Variants in DRD3 observed in about 807,000 individuals in gnomAD.
DRD3 encodes the protein dopamine receptor D3.
DRD3 carries 19 observed loss-of-function variants against 36.3 expected under a neutral mutation model. That is an observed-to-expected ratio of 0.52 (90% CI 0.36 to 0.77). The LOEUF (loss-of-function observed/expected upper bound fraction) is 0.77. DRD3 is among the 30% of genes least tolerant of loss of function. The pLI is 0.00. For missense variants in DRD3, 465 were observed against 505.3 expected (o/e 0.92, Z 0.77); for synonymous variants, 195 against 203.7 (o/e 0.96, Z 0.36).
intron 3 of DRD3, 39 bp from the exon 4 acceptor site, chr3:114,147,596 T>G: frequency 6.3e-7 from 1 of 1,588,718 alleles, no homozygotes; most frequent in Non-Finnish European, 8.6e-7. Context: ...CATGGTGAGA[T>G]GGAATGGGGT....
At chr3:114,164,600 G>A (rs2077765244) in intron 2 of DRD3, among the ~76,000 whole-genome samples, 1 of 152,084 alleles carries the variant, frequency 6.6e-6, no homozygotes, top group African/African-American at 2.4e-5. Context: ...TTATTGTCTT[G>A]GTTTGGGAAA....
intron 1 of DRD3, among the ~76,000 whole-genome samples, chr3:114,172,797 G>T (rs1486011): frequency 6.6e-6 from 1 of 152,072 alleles, no homozygotes; most frequent in Non-Finnish European, 1.5e-5. Context: ...CCTGAGTCTG[G>T]GTAATTTATA....
chr3:114,137,218 G>A (rs927146673), intron 5 of DRD3, among the ~76,000 whole-genome samples: 1 of 152,170 alleles, frequency 6.6e-6, no homozygotes, highest in Non-Finnish European at 1.5e-5. Flanking sequence ...CTTTCTCTAT[G>A]ATCAGACATG....
At chr3:114,191,515 G>A (rs932585721) in intron 1 of DRD3, among the ~76,000 whole-genome samples, 11 of 152,184 alleles carry the variant, frequency 7.2e-5, no homozygotes, top group Admixed American at 5.2e-4. Context: ...TGGTGTAGGA[G>A]TTTGCATTTT....
intron 2 of DRD3, among the ~76,000 whole-genome samples, chr3:114,163,658 C>A (rs2077754257): frequency 6.6e-6 from 1 of 152,196 alleles, no homozygotes. Flanking sequence ...TCCATTACCC[C>A]TATAGCCATG....
intron 3 of DRD3, among the ~76,000 whole-genome samples, chr3:114,153,698 C>T (rs528272896): frequency 5.3e-5 from 8 of 152,200 alleles, no homozygotes; most frequent in Non-Finnish European, 1.2e-4. Context: ...GAGCCAGACT[C>T]GCACCTCAGC....
intron 2 of DRD3, among the ~76,000 whole-genome samples, chr3:114,161,680 T>C (rs560105929): frequency 6.6e-6 from 1 of 152,340 alleles, no homozygotes; most frequent in South Asian, 2.1e-4. Flanking sequence ...TATGAATTTA[T>C]AGGAATTCTG....
chr3:114,190,954 C>G (rs2078007946), intron 1 of DRD3, among the ~76,000 whole-genome samples: 1 of 151,974 alleles, frequency 6.6e-6, no homozygotes, highest in Non-Finnish European at 1.5e-5. Flanking sequence ...TGATTTGGGC[C>G]TTATAGGGTA....
At chr3:114,148,245 G>C (rs115500425) in intron 3 of DRD3, among the ~76,000 whole-genome samples, 1,669 of 152,250 alleles carry the variant, frequency 0.011, 31 homozygotes, top group African/African-American at 0.037. Flanking sequence ...CTGGGTGCTG[G>C]TCTGTGTGCC....
chr3:114,193,323 T>G (rs1266301705), intron 1 of DRD3, among the ~76,000 whole-genome samples: 1 of 152,014 alleles, frequency 6.6e-6, no homozygotes, highest in Non-Finnish European at 1.5e-5. Flanking sequence ...CAACAGAACT[T>G]TCATAACATA....
chr3:114,164,165 G>A (rs1429846882), intron 2 of DRD3, among the ~76,000 whole-genome samples: 2 of 125,828 alleles, frequency 1.6e-5, no homozygotes, highest in Non-Finnish European at 3.1e-5. Context: ...AGGTTACAGT[G>A]AGCCGAAATC....
chr3:114,139,064 C>T (rs890273969), intron 5 of DRD3, among the ~76,000 whole-genome samples: 14 of 152,172 alleles, frequency 9.2e-5, no homozygotes, highest in African/African-American at 2.4e-4. Flanking sequence ...CCTTGACACA[C>T]GGACAGATCC....
At position 114,189,045 on chromosome 3, in the gene DRD3, A is replaced by G. The variant is rs77049026; in HGVS notation, c.-156+10228T>C. 2.9e-3 allele frequency among the ~76,000 whole-genome samples: 437 copies of G among 152,334 alleles called. 1 individual carries two copies. In the Middle Eastern group the frequency reaches 0.031, roughly 11 times the overall value. ...CTAGTCTTTGTCCACTTGTACGTAT[A>G]TTTTACATAGTTGAAATCTTAATTT... On this transcript the variant is annotated intron_variant, in intron 1 of 7. Coordinates refer to the DRD3 transcript ENST00000460779.
intron 1 of DRD3, among the ~76,000 whole-genome samples, chr3:114,197,102 T>C (rs140842217): frequency 1.9e-4 from 29 of 151,046 alleles, no homozygotes; most frequent in African/African-American, 7.0e-4. Context: ...TCTAATAGTC[T>C]TTTATTTACT....
Position 114,130,675 on chromosome 3 carries a change from G to A in DRD3, c.1006+443C>T, listed in dbSNP as rs567547745. ...CCTGACCTCGTGATCTGCCCACCTC[G>A]GCCTCCCAAAGTGCTGGAATTACAG... On this transcript the variant is annotated intron_variant, in intron 6 of 6. Coordinates refer to ENST00000383673, the MANE Select transcript of DRD3 (RefSeq NM_000796.6). 5.3e-5 allele frequency among the ~76,000 whole-genome samples: 8 copies of A among 152,062 alleles called. No homozygotes were observed. The East Asian group carries it at 7.7e-4, about 15-fold the overall frequency.
chr3:114,174,002 C>A (rs1255515685), intron 1 of DRD3, among the ~76,000 whole-genome samples: 1 of 151,888 alleles, frequency 6.6e-6, no homozygotes, highest in South Asian at 2.1e-4. Context: ...TTAAAATGAA[C>A]AAATACTTGG....
chr3:114,150,176 C>A (rs567541973), intron 3 of DRD3, among the ~76,000 whole-genome samples: 1 of 120,866 alleles, frequency 8.3e-6, no homozygotes, highest in East Asian at 2.5e-4. Flanking sequence ...ACACTCACAG[C>A]TCCAGCCACA....
intron 6 of DRD3, 131 bp downstream of exon 6, chr3:114,130,987 C>T: frequency 8.3e-7 from 1 of 1,202,784 alleles, no homozygotes; most frequent in Admixed American, 2.9e-5. Flanking sequence ...TACACAAATA[C>T]TTTTCAATTA....
intron 1 of DRD3, among the ~76,000 whole-genome samples, chr3:114,194,397 C>T (rs1277517172): frequency 1.3e-5 from 2 of 152,178 alleles, no homozygotes; most frequent in African/African-American, 4.8e-5. Context: ...ATCCTCCTGC[C>T]TCAGCCCCCC....
Sources: gnomAD v4.1 joint callset for allele counts (sites outside exome capture counted in the v4.1 genomes callset) on GRCh38, gnomAD v4.1.1 for gene constraint, MANE v1.5 for transcripts, NCBI Gene and HGNC (gene_info 2026-07-23, HGNC 2026-07-21) for gene names.